Variants in DGKH observed in about 807,000 individuals in gnomAD.
DGKH encodes DAG kinase eta.
In DGKH, 90 loss-of-function variants were observed where a neutral mutation model predicts 159.3. The ratio of observed to expected loss-of-function variants is 0.57; its 90% CI spans 0.48 to 0.67. The LOEUF is 0.67. Ranked by LOEUF, DGKH falls within the 30% of genes least tolerant of loss-of-function variation. The pLI is 0.00. For synonymous variants in DGKH, 536 were observed against 553.8 expected, an observed-to-expected ratio of 0.97 and a Z score of 0.45; for missense variants, 1,181 against 1,506.1, an observed-to-expected ratio of 0.78 and a Z score of 3.57.
At chr13:42,163,918 C>T (rs1015856569) in intron 7 of DGKH, among the ~76,000 whole-genome samples, 5 of 151,704 alleles carry the variant, frequency 3.3e-5, no homozygotes, top group Non-Finnish European at 5.9e-5. Context: ...TTTGGTGTTT[C>T]AGACATGAAG....
At chr13:42,162,513 CAAAAAAT>C (rs1594121977) in intron 7 of DGKH, among the ~76,000 whole-genome samples, 2 of 151,630 alleles carry the variant, frequency 1.3e-5, no homozygotes, top group South Asian at 2.1e-4. Context: ...AACATCATCT[CAAAAAAT>C]AAAAAATAAA....
intron 12 of DGKH, 51 bp downstream of exon 12, chr13:42,174,195 G>GA (rs758551803): frequency 0.019 from 21,876 of 1,127,206 alleles, no homozygotes; most frequent in Non-Finnish European, 0.022. Flanking sequence ...GATATCTTGA[G>GA]AAAAAAAAAA....
upstream of DGKH, among the ~76,000 whole-genome samples, chr13:42,046,342 G>A (rs1032322456): frequency 2.0e-5 from 3 of 152,204 alleles, no homozygotes; most frequent in Non-Finnish European, 2.9e-5. Context: ...GGAAGGTGAA[G>A]TACATTGCAG....
At chr13:42,166,363 T>C (rs1956314982) in intron 8 of DGKH, 152 bp from the exon 9 acceptor site, 2 of 529,186 alleles carry the variant, frequency 3.8e-6, no homozygotes, top group African/African-American at 2.0e-5. Flanking sequence ...TATAGGTTTG[T>C]ATGTAAATAG....
chr13:42,163,901 C>T (rs953210065), intron 7 of DGKH, among the ~76,000 whole-genome samples: 12 of 152,076 alleles, frequency 7.9e-5, no homozygotes, highest in Admixed American at 5.9e-4. Flanking sequence ...CTTTTGTTGC[C>T]ACTGCTTTTG....
chr13:42,161,415 A>G (rs1040568373), intron 7 of DGKH, among the ~76,000 whole-genome samples: 3 of 152,144 alleles, frequency 2.0e-5, no homozygotes, highest in African/African-American at 7.2e-5. Context: ...TTGGGAGGCC[A>G]AGGTGGGCGG....
chr13:42,254,276 G>A (rs1350466958), intron 30 of DGKH, among the ~76,000 whole-genome samples: 1 of 152,152 alleles, frequency 6.6e-6, no homozygotes, highest in Non-Finnish European at 1.5e-5. Context: ...CAGATGATAG[G>A]GACATGTTCA....
chr13:42,188,969 C>T, intron 14 of DGKH, 67 bp from the exon 15 acceptor site: 1 of 1,536,022 alleles, frequency 6.5e-7, no homozygotes, highest in Non-Finnish European at 8.8e-7. Context: ...ATAAAAATTT[C>T]TTGTACTTTG....
At chr13:42,059,191 A>G (rs8001141) in intron 1 of DGKH, among the ~76,000 whole-genome samples, 3,860 of 152,188 alleles carry the variant, frequency 0.025, 62 homozygotes, top group African/African-American at 0.044. Flanking sequence ...TGTCTTTTAC[A>G]TAATTTAATC....
intron 1 of DGKH, among the ~76,000 whole-genome samples, chr13:42,061,656 A>G (rs1882179507): frequency 6.6e-6 from 1 of 152,192 alleles, no homozygotes; most frequent in Admixed American, 6.5e-5. Context: ...TGCCAGAGTT[A>G]TCTTTGTAAA....
In DGKH at chr13:42,194,961, T is replaced by A; in HGVS notation, c.2112T>A (p.Ala704=). 6.2e-7 allele frequency: 1 copy of A among 1,614,114 alleles called. No homozygotes were observed. The highest frequency in any genetic ancestry group is 1.3e-5 in the African/African-American group (1 of 75,050). ...HSQTDSVPGP[A]VAASKENLPV... ...AAACTGATTCTGTCCCTGGTCCAGC[T>A]GTGGCAGCCAGCAAAGAAAACCTCC... The change falls in exon 17 of 30, where the codon GCT becomes GCA. Residue 704 remains alanine, a synonymous_variant. Transcript: ENST00000337343.
At chr13:42,192,361 C>T (rs1006388614) in intron 16 of DGKH, among the ~76,000 whole-genome samples, 1 of 152,096 alleles carries the variant, frequency 6.6e-6, no homozygotes, top group African/African-American at 2.4e-5. Context: ...ATTGGGCTTT[C>T]TATTTTCTCC....
intron 1 of DGKH, among the ~76,000 whole-genome samples, chr13:42,064,827 C>T (rs570599174): frequency 4.0e-5 from 6 of 151,784 alleles, no homozygotes; most frequent in Non-Finnish European, 8.8e-5. Flanking sequence ...GACCGTTTTA[C>T]TTAGAACACA....
At chr13:42,115,604 C>T (rs1218056688) in intron 1 of DGKH, among the ~76,000 whole-genome samples, 1 of 152,174 alleles carries the variant, frequency 6.6e-6, no homozygotes, top group Non-Finnish European at 1.5e-5. Context: ...AAAGCTTGGA[C>T]ACAGGGAAGC....
In DGKH at chr13:42,239,007, C is replaced by T. The variant is rs527941264; in HGVS notation, c.*9819C>T. On this transcript the variant is annotated 3_prime_UTR_variant, in exon 30 of 30. Coordinates refer to ENST00000337343, the MANE Select transcript of DGKH (RefSeq NM_178009.5). ...CAGGGAAAAGATTGGAGTTCATCAC[C>T]GTGGAATTTTGATCTGTCTTAATGA... is the stretch of plus-strand genomic sequence containing the variant. 4.6e-5 allele frequency: 7 copies of T among 152,068 alleles called. No homozygotes were observed. Among genetic ancestry groups the T allele is most frequent in the South Asian group, 2.1e-4 (1 of 4,816 alleles). The allele number at this position is 152,068 out of a possible 1,614,324, so 9.4% of individuals were successfully genotyped here. A position where few individuals can be genotyped will look rare whatever the true frequency, so the allele number is the denominator to read the frequency against.
chr13:42,167,114 A>G (rs1206996530), intron 9 of DGKH, among the ~76,000 whole-genome samples: 4 of 152,132 alleles, frequency 2.6e-5, no homozygotes, highest in Admixed American at 2.6e-4. Context: ...GTTCACATAA[A>G]TGACAAAGAA....
intron 1 of DGKH, among the ~76,000 whole-genome samples, chr13:42,060,250 T>G (rs1021905686): frequency 1.3e-5 from 2 of 152,222 alleles, no homozygotes; most frequent in African/African-American, 4.8e-5. Flanking sequence ...CCTCTTAGCC[T>G]CTATCCCTGA....
At chr13:42,069,668 G>T in intron 1 of DGKH, 1 of 1,229,310 alleles carries the variant, frequency 8.1e-7, no homozygotes, top group Non-Finnish European at 1.2e-6. Context: ...CAATTGGAAA[G>T]ATCTGTAATA....
chr13:42,183,252 G>A lies in DGKH; in HGVS notation c.1539-3797G>A, dbSNP rs564942210. 2.6e-5 allele frequency among the ~76,000 whole-genome samples: 4 copies of A among 151,724 alleles called. No individual in the cohort carries two copies. The East Asian group carries it at 5.8e-4, about 22-fold the overall frequency. On this transcript the variant is annotated intron_variant, in intron 13 of 29. Transcript: ENST00000337343. The stretch of plus-strand genomic sequence containing the variant: ...TGCAGTGAGCTGTGATCACGCCATT[G>A]CACTCCAATCTGGATGACAGAGTGA...
Sources: allele counts gnomAD v4.1 joint callset (sites outside exome capture counted in the v4.1 genomes callset), GRCh38; gene constraint gnomAD v4.1.1; transcripts MANE v1.5; gene names NCBI Gene and HGNC (gene_info 2026-07-23, HGNC 2026-07-21).